The following LHFPL6 variants were observed in gnomAD, a reference collection of about 807,000 sequenced individuals.
The protein encoded by LHFPL6 is LHFPL tetraspan subfamily member 6.
Under a neutral mutation model 20.6 loss-of-function variants are expected in LHFPL6, and 9 were observed. That is an observed-to-expected ratio of 0.44 (90% CI 0.26 to 0.76). LHFPL6 has a LOEUF of 0.76. LHFPL6 is among the 30% of genes least tolerant of loss of function. LHFPL6 has a pLI of 0.20. For missense variants in LHFPL6, 218 were observed against 253.5 expected, an observed-to-expected ratio of 0.86 and a Z score of 0.95; for synonymous variants, 105 against 98.7, an observed-to-expected ratio of 1.06 and a Z score of -0.38.
chr13:39,541,328 C>T (rs1870790844), intron 2 of LHFPL6, among the ~76,000 whole-genome samples: 1 of 152,128 alleles, frequency 6.6e-6, no homozygotes, highest in African/African-American at 2.4e-5. Context: ...TGAAAAAATT[C>T]AGGCAAAAAA....
At chr13:39,372,825 A>G (rs1327735956) in intron 3 of LHFPL6, among the ~76,000 whole-genome samples, 2 of 152,180 alleles carry the variant, frequency 1.3e-5, no homozygotes, top group Non-Finnish European at 2.9e-5. Context: ...TATATTTTTG[A>G]ACTCAGTTTA....
intron 2 of LHFPL6, among the ~76,000 whole-genome samples, chr13:39,499,906 A>T (rs1428040065): frequency 6.6e-6 from 1 of 152,226 alleles, no homozygotes; most frequent in African/African-American, 2.4e-5. Context: ...TGACACAATC[A>T]CACACATTGT....
intron 2 of LHFPL6, among the ~76,000 whole-genome samples, chr13:39,575,030 T>C (rs1453057195): frequency 6.6e-6 from 1 of 151,864 alleles, no homozygotes; most frequent in Non-Finnish European, 1.5e-5. Context: ...GAGATAGCGC[T>C]ACTGCACTTT....
intron 3 of LHFPL6, among the ~76,000 whole-genome samples, chr13:39,372,715 A>G (rs1399950518): frequency 1.3e-5 from 2 of 152,214 alleles, no homozygotes; most frequent in Admixed American, 6.5e-5. Flanking sequence ...TTCTAAGGAA[A>G]AGAGGTATTT....
intron 2 of LHFPL6, among the ~76,000 whole-genome samples, chr13:39,392,278 T>C (rs1870727639): frequency 6.6e-6 from 1 of 151,798 alleles, no homozygotes; most frequent in South Asian, 2.1e-4. Flanking sequence ...CACAGTAAAA[T>C]GAAAATAAAA....
At chr13:39,522,994 T>C (rs553561013) in intron 2 of LHFPL6, among the ~76,000 whole-genome samples, 1 of 152,270 alleles carries the variant, frequency 6.6e-6, no homozygotes, top group African/African-American at 2.4e-5. Context: ...ATCAGCAATA[T>C]TCAAATGTAA....
At chr13:39,371,867 A>T (rs999764382) in intron 3 of LHFPL6, among the ~76,000 whole-genome samples, 1 of 152,204 alleles carries the variant, frequency 6.6e-6, no homozygotes, top group Non-Finnish European at 1.5e-5. Flanking sequence ...TAGAGTGAGG[A>T]GAGAGACTCT....
intron 2 of LHFPL6, among the ~76,000 whole-genome samples, chr13:39,396,582 G>C (rs1870847097): frequency 6.6e-6 from 1 of 152,008 alleles, no homozygotes; most frequent in Non-Finnish European, 1.5e-5. Context: ...GATTGCTTGA[G>C]CCCAGGAGTT....
chr13:39,587,235 A>G (rs1872476990), intron 2 of LHFPL6, among the ~76,000 whole-genome samples: 1 of 152,040 alleles, frequency 6.6e-6, no homozygotes, highest in Admixed American at 6.6e-5. Context: ...TCTCCACGTT[A>G]GTCCCTATCA....
chr13:39,375,767 T>C (rs746586914), intron 3 of LHFPL6, among the ~76,000 whole-genome samples: 9 of 144,328 alleles, frequency 6.2e-5, no homozygotes, highest in African/African-American at 1.2e-4. Flanking sequence ...GGTCTTCTTT[T>C]CAAAGAATAG....
At position 39,506,867 on chromosome 13, in the gene LHFPL6, T is replaced by A. The variant is rs74739815; in HGVS notation, c.385+93965A>T. Among the ~76,000 whole-genome samples, 1,171 of 152,322 alleles carry A rather than the reference T, an allele frequency of 7.7e-3. 6 individuals are homozygous for A. Among genetic ancestry groups the A allele is most frequent in the African/African-American group, 0.027 (1,124 of 41,574 alleles). On this transcript the variant is annotated intron_variant, in intron 2 of 3. Transcript: ENST00000379589. ...ATAAGCTTTTAAATGAAACATGACA[T>A]TCCCTTATTAAATTCTGATTTCTAT...
rs986444141 is a variant in LHFPL6 at position 39,343,366 on chromosome 13, C to T, written c.*570G>A. On this transcript the variant is annotated 3_prime_UTR_variant, in exon 4 of 4. Transcript: ENST00000379589. ...TTAAAAAGAAAACAGAGGAGAAATGCACCACTAAACCTCCCAGTCTGTGCG... is the reference window on the plus strand; with the variant it reads ...TTAAAAAGAAAACAGAGGAGAAATGTACCACTAAACCTCCCAGTCTGTGCG... 11 of 229,912 alleles carry T rather than the reference C, an allele frequency of 4.8e-5. No homozygotes were observed. Among genetic ancestry groups the T allele is most frequent in the Middle Eastern group, 1.3e-3 (1 of 794 alleles). The allele number at this position is 229,912 out of a possible 1,614,324, so 14.2% of individuals were successfully genotyped here. A position where few individuals can be genotyped will look rare whatever the true frequency, so the allele number is the denominator to read the frequency against.
intron 2 of LHFPL6, among the ~76,000 whole-genome samples, chr13:39,476,006 G>A (rs1195998590): frequency 1.3e-5 from 2 of 152,088 alleles, no homozygotes. Flanking sequence ...TTTGTGTCCT[G>A]ACTATATATT....
intron 2 of LHFPL6, among the ~76,000 whole-genome samples, chr13:39,527,401 C>T (rs770616989): frequency 3.9e-5 from 6 of 152,056 alleles, no homozygotes; most frequent in Admixed American, 6.6e-5. Context: ...CTAGCACAGT[C>T]CTCAGGAGAA....
chr13:39,483,091 G>A (rs1868593441), intron 2 of LHFPL6, among the ~76,000 whole-genome samples: 1 of 152,140 alleles, frequency 6.6e-6, no homozygotes, highest in African/African-American at 2.4e-5. Context: ...AAATTCTACA[G>A]TGAATATATA....
chr13:39,398,680 C>T (rs1870905136), intron 2 of LHFPL6, among the ~76,000 whole-genome samples: 1 of 152,214 alleles, frequency 6.6e-6, no homozygotes, highest in African/African-American at 2.4e-5. Context: ...AGACCGCTAC[C>T]AGTCCCTGGC....
chr13:39,547,365 G>A (rs1386815425), intron 2 of LHFPL6, among the ~76,000 whole-genome samples: 2 of 152,010 alleles, frequency 1.3e-5, no homozygotes, highest in African/African-American at 4.8e-5. Context: ...TACCTAGCAA[G>A]GGGCTTTGTC....
At chr13:39,526,639 G>A (rs112625681) in intron 2 of LHFPL6, among the ~76,000 whole-genome samples, 1 of 152,210 alleles carries the variant, frequency 6.6e-6, no homozygotes, top group African/African-American at 2.4e-5. Flanking sequence ...CATCAGATGG[G>A]CTGATTCCAC....
intron 2 of LHFPL6, among the ~76,000 whole-genome samples, chr13:39,587,323 G>A (rs1035807659): frequency 2.0e-5 from 3 of 151,878 alleles, no homozygotes; most frequent in Non-Finnish European, 4.4e-5. Flanking sequence ...ACAATTCCTT[G>A]GCTTTGAGGA....
Sources: gnomAD v4.1 joint callset for allele counts (sites outside exome capture counted in the v4.1 genomes callset) on GRCh38, gnomAD v4.1.1 for gene constraint, MANE v1.5 for transcripts, NCBI Gene and HGNC (gene_info 2026-07-23, HGNC 2026-07-21) for gene names.